Variants in CCAR2 observed in about 807,000 individuals in gnomAD.
CCAR2 encodes the protein cell cycle and apoptosis regulator 2, also known as cell cycle and apoptosis regulator protein 2.
CCAR2 carries 21 observed loss-of-function variants against 108.1 expected under a neutral mutation model. That is an observed-to-expected ratio of 0.19 (90% CI 0.14 to 0.28). CCAR2 has a LOEUF of 0.28. Ranked by LOEUF, CCAR2 falls within the 10% of genes least tolerant of loss-of-function variation. The pLI is 1.00. For missense variants in CCAR2, 1,126 were observed against 1,177.0 expected, an observed-to-expected ratio of 0.96 and a Z score of 0.63; for synonymous variants, 577 against 472.8, an observed-to-expected ratio of 1.22 and a Z score of -2.86.
At chr8:22,608,513 T>C (rs1468155194) in intron 7 of CCAR2, among the ~76,000 whole-genome samples, 2 of 152,198 alleles carry the variant, frequency 1.3e-5, no homozygotes, top group African/African-American at 4.8e-5. Flanking sequence ...AGAAGGTGTA[T>C]ATTGCACTCT....
Position 22,619,188 on chromosome 8 carries a change from A to C in CCAR2, c.2560A>C (p.Asn854His). Residue 854 changes from asparagine (N) to histidine (H), a missense_variant, in exon 20 of 21, where the codon AAT becomes CAT. By Grantham distance (68) the Asn-to-His change is moderately conservative. Transcript: ENST00000308511. ...HNRFSATEVT[N>H]KTLAAEMQEL... ...CCGTTTCTCAGCCACTGAAGTAACC[A>C]ATAAGACGCTGGCGGCAGAGATGCA... 1 of 1,596,736 alleles carries C rather than the reference A, an allele frequency of 6.3e-7. No homozygotes were observed. The highest frequency in any genetic ancestry group is 8.5e-7 in the Non-Finnish European group (1 of 1,171,784).
chr8:22,609,437 C>A (rs996591952), intron 7 of CCAR2, among the ~76,000 whole-genome samples: 3 of 152,192 alleles, frequency 2.0e-5, no homozygotes, highest in African/African-American at 7.2e-5. Flanking sequence ...CAGGTGTGGG[C>A]CACCACGCCC....
intron 7 of CCAR2, among the ~76,000 whole-genome samples, chr8:22,610,728 CTG>C (rs2117431280): frequency 6.6e-6 from 1 of 152,346 alleles, no homozygotes; most frequent in African/African-American, 2.4e-5. Flanking sequence ...AGCTTAGTCA[CTG>C]GGGTGTGAAC....
intron 3 of CCAR2, 40 bp downstream of exon 3, chr8:22,606,216 GA>G: frequency 1.4e-6 from 2 of 1,461,128 alleles, no homozygotes; most frequent in Non-Finnish European, 1.9e-6. Flanking sequence ...CAGCCCTTGG[GA>G]CTGAATGCAT....
Position 22,617,715 on chromosome 8 carries a change from T to C in CCAR2, c.2010T>C (p.Asp670=). Residue 670 remains aspartate, a synonymous_variant, in exon 16 of 21, where the codon GAT becomes GAC. Transcript: ENST00000308511. ...EEEFAGAKLE[D]SEVRSVASNQ... is the part of the protein sequence containing the mutation. ...CTGTAGCAGGAGCAAAGCTGGAGGA[T>C]TCGGAGGTCCGGTCCGTTGCCTCAA... The C allele has an allele frequency of 6.2e-7, 1 of 1,614,186 alleles. No individual in the cohort carries two copies. The highest frequency in any genetic ancestry group is 8.5e-7 in the Non-Finnish European group (1 of 1,180,032).
intron 7 of CCAR2, among the ~76,000 whole-genome samples, chr8:22,608,735 C>T (rs1345240063): frequency 6.6e-6 from 1 of 152,176 alleles, no homozygotes; most frequent in Non-Finnish European, 1.5e-5. Context: ...TTGCTTATAC[C>T]TCTAAAAGTT....
Position 22,619,909 on chromosome 8 carries a change from C to T in CCAR2, c.*227C>T, listed in dbSNP as rs200178668. 165 of 576,732 alleles carry T rather than the reference C, an allele frequency of 2.9e-4. 1 individual carries two copies. Among genetic ancestry groups the T allele is most frequent in the Middle Eastern group, 9.2e-4 (2 of 2,168 alleles). 35.7% of individuals were successfully genotyped at this position (576,732 alleles called of 1,614,324 possible). On this transcript the variant is annotated 3_prime_UTR_variant, in exon 21 of 21. Coordinates refer to ENST00000308511, the MANE Select transcript of CCAR2 (RefSeq NM_001393997.1). The stretch of plus-strand genomic sequence containing the variant: ...TCCACTTAACAACTAAATACAACAT[C>T]TTTTGCACCCCTAGAATGTCATTTT...
Position 22,605,748 on chromosome 8 carries a change from G to A in CCAR2, c.-26G>A. The A allele has an allele frequency of 6.2e-7, 1 of 1,607,244 alleles. No homozygotes were observed. Among genetic ancestry groups the A allele is most frequent in the Non-Finnish European group, 8.5e-7 (1 of 1,174,972 alleles). On this transcript the variant is annotated 5_prime_UTR_variant, in exon 2 of 21. Transcript: ENST00000308511. ...TTTTGGATTGAAGCCTTTTCCCCAC[G>A]ACTCTGAAAGAGGACAGCGTTCCCA...
intron 6 of CCAR2, among the ~76,000 whole-genome samples, chr8:22,607,739 C>G (rs1194581339): frequency 6.6e-6 from 1 of 152,150 alleles, no homozygotes; most frequent in Non-Finnish European, 1.5e-5. Flanking sequence ...ATTCTCCTGC[C>G]TCAGCCTCCT....
In CCAR2 at chr8:22,608,139, G is replaced by A. The variant is rs145343746; in HGVS notation, c.584+74G>A. On this transcript the variant is annotated intron_variant, in intron 7 of 20. Transcript: ENST00000308511. ...CTCTTTATTTTATTATTATTTTTTTGTGTTGGCCAGGAAGTGAACCCAGGT... is the reference window on the plus strand; with the variant it reads ...CTCTTTATTTTATTATTATTTTTTTATGTTGGCCAGGAAGTGAACCCAGGT... 667 of 1,266,130 alleles carry A rather than the reference G, an allele frequency of 5.3e-4. 10 individuals carry two copies. In the East Asian group the frequency reaches 0.014, roughly 27 times the overall value. The allele number at this position is 1,266,130 out of a possible 1,614,324, so 78.4% of individuals were successfully genotyped here.
rs201290050 is a variant in CCAR2, at chr8:22,619,189, A to G, written c.2561A>G (p.Asn854Ser). ...CGTTTCTCAGCCACTGAAGTAACCAATAAGACGCTGGCGGCAGAGATGCAG... is the reference window on the plus strand; with the variant it reads ...CGTTTCTCAGCCACTGAAGTAACCAGTAAGACGCTGGCGGCAGAGATGCAG... ...HNRFSATEVT[N>S]KTLAAEMQEL... Residue 854 changes from asparagine to serine, a missense_variant, in exon 20 of 21, where the codon AAT becomes AGT. Physicochemically the swap from Asn to Ser is conservative, Grantham distance 46. This residue lies in a region of CCAR2 where 1,013 missense variants were observed against 993.9 expected (regional missense o/e 1.02). Coordinates refer to ENST00000308511, the MANE Select transcript of CCAR2 (RefSeq NM_001393997.1). 59 of 1,596,010 alleles carry G rather than the reference A, an allele frequency of 3.7e-5. No homozygotes were observed. Among genetic ancestry groups the G allele is most frequent in the South Asian group, 4.5e-5 (4 of 89,214 alleles).
chr8:22,617,414 CTG>C lies in CCAR2; in HGVS notation c.1846-4_1846-3del. The C allele has an allele frequency of 2.6e-6, 4 of 1,531,428 alleles. No homozygotes were observed. Among genetic ancestry groups the C allele is most frequent in the Non-Finnish European group, 3.5e-6 (4 of 1,141,246 alleles). The allele number at this position is 1,531,428 out of a possible 1,614,324, so 94.9% of individuals were successfully genotyped here. A position where few individuals can be genotyped will look rare whatever the true frequency, so the allele number is the denominator to read the frequency against. On this transcript the variant is annotated splice_region_variant and splice_polypyrimidine_tract_variant and intron_variant, in intron 14 of 20. Coordinates refer to ENST00000308511, the MANE Select transcript of CCAR2 (RefSeq NM_001393997.1). The stretch of plus-strand genomic sequence containing the variant: ...TTTTCCTTATAACCTTTGTCTGCCT[CTG>C]TAGAAGGAGGATGGGCTTTTGCCCA...
chr8:22,616,884 TTTTTTTTTTTTTGG>T (rs1801537652), intron 14 of CCAR2, among the ~76,000 whole-genome samples: 3 of 64,098 alleles, frequency 4.7e-5, no homozygotes, highest in African/African-American at 3.0e-4. Flanking sequence ...TTTTTTTTTT[TTTTTTTTTTTTTGG>T]GGAGATGGAG....
chr8:22,605,604 C>T (rs193270572), intron 1 of CCAR2, 132 bp from the exon 2 acceptor site: 50 of 621,762 alleles, frequency 8.0e-5, no homozygotes, highest in East Asian at 7.1e-4. Context: ...TCTCTCCATC[C>T]ATTGCTTTCA....
downstream of CCAR2, chr8:22,621,222 C>T (rs1801793203): frequency 3.1e-6 from 2 of 651,028 alleles, no homozygotes; most frequent in South Asian, 3.9e-5. Flanking sequence ...TGCTTACCTG[C>T]TGGGGCTGTG....
At chr8:22,616,898 G>GTTT (rs1563924191) in intron 14 of CCAR2, among the ~76,000 whole-genome samples, 4 of 12,146 alleles carry the variant, frequency 3.3e-4, no homozygotes, top group African/African-American at 1.6e-3. Context: ...TTTTTTTTTG[G>GTTT]GGAGATGGAG....
chr8:22,617,770 C>G lies in CCAR2; in HGVS notation c.2065C>G (p.Gln689Glu). ...GTCAGAGATGGAGTTCTCTTCACTT[C>G]AGGACATGGTGAGGCCTCTTCTCGA... is the stretch of plus-strand genomic sequence containing the variant. ...NQSEMEFSSL[Q>E]DMPKELDPSA... is the part of the protein sequence containing the mutation. The change falls in exon 16 of 21, where the codon CAG becomes GAG. Residue 689 changes from glutamine (Q) to glutamate (E), a missense_variant. Transcript: ENST00000308511. The G allele has an allele frequency of 1.2e-6, 2 of 1,613,594 alleles. No individual in the cohort carries two copies. Among genetic ancestry groups the G allele is most frequent in the Non-Finnish European group, 1.7e-6 (2 of 1,179,966 alleles).
chr8:22,621,502 G>A (rs1801815304), downstream of CCAR2: 1 of 1,613,958 alleles, frequency 6.2e-7, no homozygotes, highest in South Asian at 1.1e-5. Flanking sequence ...TCATCGGAGT[G>A]GCCTGGCTGG....
chr8:22,611,724 ATTGT>A (rs566846923), intron 7 of CCAR2, among the ~76,000 whole-genome samples: 170 of 152,080 alleles, frequency 1.1e-3, no homozygotes, highest in African/African-American at 3.8e-3. Context: ...TGGCTGCGTG[ATTGT>A]TTGTATTTAC....
Sources: gnomAD v4.1 joint callset for allele counts (sites outside exome capture counted in the v4.1 genomes callset) on GRCh38, gnomAD v4.1.1 for gene constraint, gnomAD v4.1.1 regional missense constraint, MANE v1.5 for transcripts, NCBI Gene and HGNC (gene_info 2026-07-23, HGNC 2026-07-21) for gene names.